MDGA2: variants seen among roughly 807,000 people sequenced by gnomAD.
The protein encoded by MDGA2 is MAM domain containing glycosylphosphatidylinositol anchor 2, also known as MAM domain-containing glycosylphosphatidylinositol anchor protein 2.
MDGA2 carries 40 observed loss-of-function variants against 117.8 expected under a neutral mutation model. The ratio of observed to expected loss-of-function variants is 0.34; its 90% CI spans 0.26 to 0.44. The LOEUF is 0.44. MDGA2 is among the 20% of genes least tolerant of loss of function. The probability of loss-of-function intolerance (pLI) is 1.00; values close to 1 mark genes in which losing one functional copy is unlikely to be tolerated. For synonymous variants in MDGA2, 452 were observed against 439.0 expected (o/e 1.03, Z -0.37); for missense variants, 1,123 against 1,250.6 (o/e 0.90, Z 1.54).
intron 2 of MDGA2, among the ~76,000 whole-genome samples, chr14:47,295,234 A>G (rs997765706): frequency 1.3e-5 from 2 of 152,196 alleles, no homozygotes; most frequent in African/African-American, 4.8e-5. Flanking sequence ...TCTTTGTTTT[A>G]TTTTTGAACG....
intron 9 of MDGA2, among the ~76,000 whole-genome samples, chr14:46,922,127 G>A (rs1052359355): frequency 1.3e-5 from 2 of 152,018 alleles, no homozygotes; most frequent in African/African-American, 4.8e-5. Context: ...GAATTTTTAG[G>A]AGTTGAAATA....
At chr14:47,080,797 C>T (rs1055209047) in intron 6 of MDGA2, among the ~76,000 whole-genome samples, 17 of 152,146 alleles carry the variant, frequency 1.1e-4, no homozygotes, top group African/African-American at 3.1e-4. Flanking sequence ...TATCATCCTC[C>T]GGCACTCTGC....
chr14:47,420,144 A>G (rs1892550020), intron 1 of MDGA2, among the ~76,000 whole-genome samples: 1 of 152,186 alleles, frequency 6.6e-6, no homozygotes. Flanking sequence ...ATGGTAGCTT[A>G]ATATTTTTAG....
At chr14:47,457,016 G>A (rs578243303) in intron 1 of MDGA2, among the ~76,000 whole-genome samples, 1 of 152,226 alleles carries the variant, frequency 6.6e-6, no homozygotes, top group South Asian at 2.1e-4. Flanking sequence ...TACAACATCT[G>A]GCTGAACTTG....
chr14:47,671,429 G>A (rs1898072481), intron 1 of MDGA2, among the ~76,000 whole-genome samples: 1 of 152,184 alleles, frequency 6.6e-6, no homozygotes, highest in Admixed American at 6.5e-5. Context: ...TTTCAGTGAG[G>A]AAGTAGAGGA....
intron 2 of MDGA2, among the ~76,000 whole-genome samples, chr14:47,235,600 G>A (rs1886832437): frequency 6.6e-6 from 1 of 152,174 alleles, no homozygotes; most frequent in Non-Finnish European, 1.5e-5. Context: ...GCAAGCTCAG[G>A]AAATGAAGAT....
intron 1 of MDGA2, among the ~76,000 whole-genome samples, chr14:47,416,601 G>A (rs146408133): frequency 1.3e-5 from 2 of 152,262 alleles, no homozygotes; most frequent in African/African-American, 4.8e-5. Context: ...GACTCTTGAA[G>A]TGGCCCTGCC....
chr14:47,281,174 G>T (rs1281936681), intron 2 of MDGA2, among the ~76,000 whole-genome samples: 1 of 150,378 alleles, frequency 6.6e-6, no homozygotes. Context: ...TTCCTCTATT[G>T]TCTCAAAATA....
intron 5 of MDGA2, among the ~76,000 whole-genome samples, chr14:47,123,940 T>TTTGAATTTTGAATG (rs1881774793): frequency 6.6e-6 from 1 of 152,034 alleles, no homozygotes; most frequent in South Asian, 2.1e-4. Context: ...AGAACCAAAA[T>TTTGAATTTTGAATG]TTAAACCTTA....
chr14:46,984,763 C>A (rs137964454), intron 8 of MDGA2, among the ~76,000 whole-genome samples: 4 of 152,010 alleles, frequency 2.6e-5, no homozygotes, highest in African/African-American at 9.7e-5. Flanking sequence ...ATTACTTCCA[C>A]GTTCTAATTT....
At chr14:46,986,858 C>T in intron 8 of MDGA2, among the ~76,000 whole-genome samples, 1 of 152,054 alleles carries the variant, frequency 6.6e-6, no homozygotes. Context: ...TCAGAAATTA[C>T]TTAGAAAGCT....
intron 6 of MDGA2, among the ~76,000 whole-genome samples, chr14:47,074,644 G>C (rs1246112353): frequency 3.9e-5 from 6 of 152,210 alleles, no homozygotes; most frequent in Non-Finnish European, 8.8e-5. Context: ...CTGAGGAGCA[G>C]CAGCTCAGTC....
intron 1 of MDGA2, among the ~76,000 whole-genome samples, chr14:47,436,268 T>C (rs540534008): frequency 3.3e-5 from 5 of 152,248 alleles, no homozygotes; most frequent in South Asian, 2.1e-4. Flanking sequence ...GTTTATATAA[T>C]AGTTCAGGTG....
chr14:47,585,448 T>C (rs1218305601), intron 1 of MDGA2, among the ~76,000 whole-genome samples: 1 of 151,868 alleles, frequency 6.6e-6, no homozygotes, highest in African/African-American at 2.4e-5. Context: ...TCTATAAAAT[T>C]GAGTAATAAC....
chr14:47,053,737 C>T (rs1889559425), intron 7 of MDGA2, among the ~76,000 whole-genome samples: 1 of 150,594 alleles, frequency 6.6e-6, no homozygotes, highest in Admixed American at 6.6e-5. Flanking sequence ...TAATCTTACA[C>T]AGAAGTCCTA....
chr14:47,558,719 T>C (rs943575427), intron 1 of MDGA2, among the ~76,000 whole-genome samples: 1 of 152,212 alleles, frequency 6.6e-6, no homozygotes, highest in African/African-American at 2.4e-5. Context: ...TAAGTGCATA[T>C]AAATTTAACC....
intron 1 of MDGA2, among the ~76,000 whole-genome samples, chr14:47,626,816 G>A (rs116028763): frequency 0.046 from 7,043 of 152,318 alleles, 156 homozygotes; most frequent in Middle Eastern, 0.065. Flanking sequence ...GGGCTCCTGC[G>A]CCGCCAGAGC....
chr14:47,290,469 G>A (rs1040912174), intron 2 of MDGA2, among the ~76,000 whole-genome samples: 12 of 152,002 alleles, frequency 7.9e-5, no homozygotes, highest in Non-Finnish European at 1.8e-4. Context: ...ATGTTATTTT[G>A]TTATAGCAGT....
In MDGA2 at chr14:46,988,185, T is replaced by A. The variant is rs531045961; in HGVS notation, c.1820-30542A>T. 6.6e-5 allele frequency among the ~76,000 whole-genome samples: 10 copies of A among 151,996 alleles called. No homozygotes were observed. The South Asian group carries it at 2.1e-3, about 32-fold the overall frequency. ...TTCTCTCTGGTTTATTATTGTGTCC[T>A]CAGATTCAAAATGGGAGAATCATGC... On this transcript the variant is annotated intron_variant, in intron 8 of 16. Coordinates refer to ENST00000399232, the MANE Select transcript of MDGA2 (RefSeq NM_001113498.3).
Sources: gnomAD v4.1 joint callset for allele counts (sites outside exome capture counted in the v4.1 genomes callset) on GRCh38, gnomAD v4.1.1 for gene constraint, MANE v1.5 for transcripts, NCBI Gene and HGNC (gene_info 2026-07-23, HGNC 2026-07-21) for gene names.